Variants in AK2 observed in about 807,000 individuals in gnomAD.
AK2 encodes the protein adenylate kinase 2, mitochondrial.
Under a neutral mutation model 24.6 loss-of-function variants are expected in AK2, and 15 were observed. The ratio of observed to expected loss-of-function variants is 0.61; its 90% confidence interval spans 0.41 to 0.94. The LOEUF (loss-of-function observed/expected upper bound fraction) is 0.94, where lower values mean the gene tolerates loss of function less well. Among genes scored for constraint, AK2 ranks in the 40% least tolerant of loss-of-function variants. The pLI is 0.00. For synonymous variants in AK2, 102 were observed against 114.0 expected, an observed-to-expected ratio of 0.90 and a Z score of 0.67; for missense variants, 257 against 304.1, an observed-to-expected ratio of 0.85 and a Z score of 1.15.
rs11799675 is a variant in AK2 at position 33,019,536 on chromosome 1, C to T, written c.425+1831G>A. 3.8e-3 allele frequency: 3,273 copies of T among 858,770 alleles called. 91 individuals carry two copies. The African/African-American group carries it at 0.057, about 15-fold the overall frequency. 53.2% of individuals were successfully genotyped at this position (858,770 alleles called of 1,614,324 possible). ...GCATTAAAGGAGCCTATGGAATAGC[C>T]GGAGACATGTAACCTGGACATTTGA... On this transcript the variant is annotated intron_variant, in intron 4 of 5. Coordinates refer to ENST00000672715, the MANE Select transcript of AK2 (RefSeq NM_001625.4).
chr1:33,011,935 T>C lies in AK2; in HGVS notation c.*1246A>G. 3.9e-6 allele frequency: 6 copies of C among 1,533,912 alleles called. No individual in the cohort carries two copies. Among genetic ancestry groups the C allele is most frequent in the Non-Finnish European group, 2.6e-6 (3 of 1,146,316 alleles). On this transcript the variant is annotated 3_prime_UTR_variant, in exon 6 of 6. Coordinates refer to ENST00000672715, the MANE Select transcript of AK2 (RefSeq NM_001625.4). ...GGTTTGGGCTTAAAAAGAACATATCTGATTTCAGTTTTATGTCCTGGAGAG... is the reference window on the plus strand; with the variant it reads ...GGTTTGGGCTTAAAAAGAACATATCCGATTTCAGTTTTATGTCCTGGAGAG...
At position 33,012,640 on chromosome 1, in the gene AK2, T is replaced by C. The variant is rs776057721; in HGVS notation, c.*541A>G. 2.4e-5 allele frequency: 31 copies of C among 1,288,168 alleles called. No individual in the cohort carries two copies. The highest frequency in any genetic ancestry group is 4.0e-6 in the Non-Finnish European group (4 of 989,354). 79.8% of individuals were successfully genotyped at this position (1,288,168 alleles called of 1,614,324 possible). On this transcript the variant is annotated 3_prime_UTR_variant, in exon 6 of 6. Coordinates refer to ENST00000672715, the MANE Select transcript of AK2 (RefSeq NM_001625.4). Reference sequence around the variant, plus strand: ...GGCTGGGTGTAGTGGCTCACGTCTGTGATCCTGGCACTTCAGGAGGCCAAG... The same window carrying C: ...GGCTGGGTGTAGTGGCTCACGTCTGCGATCCTGGCACTTCAGGAGGCCAAG...
At chr1:33,017,455 G>A (rs1047747738) in intron 4 of AK2, among the ~76,000 whole-genome samples, 1 of 152,206 alleles carries the variant, frequency 6.6e-6, no homozygotes, top group Admixed American at 6.5e-5. Flanking sequence ...GGAGGGGCTA[G>A]GGGCATGAGA....
intron 5 of AK2, 178 bp downstream of exon 5, chr1:33,014,344 G>A (rs1284640974): frequency 5.2e-6 from 3 of 576,768 alleles, no homozygotes; most frequent in African/African-American, 3.8e-5. Context: ...AACCACCTGA[G>A]GAGACACTGA....
chr1:33,008,520 T>C lies in AK2; in HGVS notation c.*4661A>G, dbSNP rs1266668238. The C allele has an allele frequency of 2.2e-6, 1 of 454,020 alleles. No homozygotes were observed. The highest frequency in any genetic ancestry group is 4.4e-6 in the Non-Finnish European group (1 of 226,804). The allele number at this position is 454,020 out of a possible 1,614,324, so 28.1% of individuals were successfully genotyped here. A position where few individuals can be genotyped will look rare whatever the true frequency, so the allele number is the denominator to read the frequency against. ...GCTGAGTGTCCATGGAAAAGAGCTC[T>C]TATTCAGAGCAGCCCTTCCTGTGTG... is the stretch of plus-strand genomic sequence containing the variant. On this transcript the variant is annotated 3_prime_UTR_variant, in exon 6 of 6. Coordinates refer to ENST00000672715, the MANE Select transcript of AK2 (RefSeq NM_001625.4).
At chr1:33,025,765 G>A (rs944401618) in intron 1 of AK2, among the ~76,000 whole-genome samples, 1 of 152,140 alleles carries the variant, frequency 6.6e-6, no homozygotes, top group Non-Finnish European at 1.5e-5. Flanking sequence ...TGTATCACTG[G>A]GTTGATGAGA....
chr1:33,027,506 C>T (rs572022363), intron 1 of AK2, among the ~76,000 whole-genome samples: 4 of 152,292 alleles, frequency 2.6e-5, no homozygotes, highest in South Asian at 2.1e-4. Context: ...CTTTGGGAGG[C>T]TAAGGCGGGT....
At chr1:33,030,203 A>G (rs1025698107) in intron 1 of AK2, among the ~76,000 whole-genome samples, 2 of 152,208 alleles carry the variant, frequency 1.3e-5, no homozygotes, top group African/African-American at 4.8e-5. Flanking sequence ...ACTCCACAGG[A>G]ATGCCCTCTC....
In AK2 at chr1:33,020,306, A is replaced by G. The variant is rs139382193; in HGVS notation, c.425+1061T>C. The stretch of plus-strand genomic sequence containing the variant: ...GATGGTTATATTATTTTTACAATAA[A>G]AAGTCTACAGCAAAGTATGGCAACT... On this transcript the variant is annotated intron_variant, in intron 4 of 5. Coordinates refer to ENST00000672715, the MANE Select transcript of AK2 (RefSeq NM_001625.4). 7.4e-4 allele frequency: 518 copies of G among 703,060 alleles called. 2 individuals are homozygous for G. The highest frequency in any genetic ancestry group is 7.2e-3 in the African/African-American group (401 of 55,456). The allele number at this position is 703,060 out of a possible 1,614,324, so 43.6% of individuals were successfully genotyped here.
chr1:33,019,138 T>G (rs1396153229), intron 4 of AK2, among the ~76,000 whole-genome samples: 1 of 152,224 alleles, frequency 6.6e-6, no homozygotes, highest in Non-Finnish European at 1.5e-5. Flanking sequence ...AGTTTAATGT[T>G]ATCTCTATCC....
At chr1:33,022,350 A>G (rs1046419002) in intron 2 of AK2, among the ~76,000 whole-genome samples, 5 of 127,402 alleles carry the variant, frequency 3.9e-5, no homozygotes, top group African/African-American at 1.5e-4. Context: ...CTCTTCCCTC[A>G]CTTTTTTTTT....
At chr1:33,031,012 A>G (rs1017520240) in intron 1 of AK2, 1 of 152,196 alleles carries the variant, frequency 6.6e-6, no homozygotes, top group Non-Finnish European at 1.5e-5. Context: ...TTATAGCTTA[A>G]GTTGTTTTTT....
chr1:33,014,677 G>A lies in AK2; in HGVS notation c.426-83C>T. ...ACTCTAGGGGGCTCCAGAATGACAAGCAGAGATAGGGACGCTGGATGCAAG... is the reference window on the plus strand; with the variant it reads ...ACTCTAGGGGGCTCCAGAATGACAAACAGAGATAGGGACGCTGGATGCAAG... On this transcript the variant is annotated intron_variant, in intron 4 of 5. Coordinates refer to ENST00000672715, the MANE Select transcript of AK2 (RefSeq NM_001625.4). 4 of 1,198,114 alleles carry A rather than the reference G, an allele frequency of 3.3e-6. No homozygotes were observed. The South Asian group carries it at 3.6e-5, about 11-fold the overall frequency. 74.2% of individuals were successfully genotyped at this position (1,198,114 alleles called of 1,614,324 possible).
chr1:33,011,853 T>A lies in AK2; in HGVS notation c.*1328A>T. ...TCTGGGTGATCTTTTCTTGGGGAAGTCCATGGCTATAGCCATCATAAAATT... is the reference window on the plus strand; with the variant it reads ...TCTGGGTGATCTTTTCTTGGGGAAGACCATGGCTATAGCCATCATAAAATT... On this transcript the variant is annotated 3_prime_UTR_variant, in exon 6 of 6. Coordinates refer to ENST00000672715, the MANE Select transcript of AK2 (RefSeq NM_001625.4). 2 of 1,522,778 alleles carry A rather than the reference T, an allele frequency of 1.3e-6. No homozygotes were observed. Among genetic ancestry groups the A allele is most frequent in the Non-Finnish European group, 1.8e-6 (2 of 1,140,238 alleles). 94.3% of individuals were successfully genotyped at this position (1,522,778 alleles called of 1,614,324 possible). A position where few individuals can be genotyped will look rare whatever the true frequency, so the allele number is the denominator to read the frequency against.
At chr1:33,014,684 T>G (rs1420416946) in intron 4 of AK2, 90 bp from the exon 5 acceptor site, 6 of 1,144,292 alleles carry the variant, frequency 5.2e-6, no homozygotes, top group Non-Finnish European at 7.8e-6. Context: ...CAAGCAGAGA[T>G]AGGGACGCTG....
intron 4 of AK2, among the ~76,000 whole-genome samples, chr1:33,016,477 CT>C (rs1433094757): frequency 6.6e-6 from 1 of 151,888 alleles, no homozygotes; most frequent in Admixed American, 6.6e-5. Context: ...TTCCGAAGTG[CT>C]GGGATTACAG....
At position 33,008,746 on chromosome 1, in the gene AK2, T is replaced by A. The variant is rs751813636; in HGVS notation, c.*4435A>T. Reference sequence around the variant, plus strand: ...GGTGCTGTGTGAGGGTTACGTGAAGTCGAGGGTTACATGAAGCCTTTGCAT... The same window carrying A: ...GGTGCTGTGTGAGGGTTACGTGAAGACGAGGGTTACATGAAGCCTTTGCAT... On this transcript the variant is annotated 3_prime_UTR_variant, in exon 6 of 6. Coordinates refer to ENST00000672715, the MANE Select transcript of AK2 (RefSeq NM_001625.4). 1 of 453,956 alleles carries A rather than the reference T, an allele frequency of 2.2e-6. No homozygotes were observed. Among genetic ancestry groups the A allele is most frequent in the African/African-American group, 2.0e-5 (1 of 49,978 alleles). The allele number at this position is 453,956 out of a possible 1,614,324, so 28.1% of individuals were successfully genotyped here. A position where few individuals can be genotyped will look rare whatever the true frequency, so the allele number is the denominator to read the frequency against.
At chr1:33,026,563 C>G (rs1639897436) in intron 1 of AK2, among the ~76,000 whole-genome samples, 1 of 152,186 alleles carries the variant, frequency 6.6e-6, no homozygotes, top group Non-Finnish European at 1.5e-5. Context: ...AATCCCAGCA[C>G]TTTGGGAGGC....
In AK2 at chr1:33,010,973, C is replaced by T. The variant is rs1638786809; in HGVS notation, c.*2208G>A. On this transcript the variant is annotated 3_prime_UTR_variant, in exon 6 of 6. Transcript: ENST00000672715. The stretch of plus-strand genomic sequence containing the variant: ...CTGTGACAGGTAAAAGCAGAACCTG[C>T]TGAGGCTGAGGAACTCTGGAATTAA... 1 of 1,544,306 alleles carries T rather than the reference C, an allele frequency of 6.5e-7. No homozygotes were observed. The highest frequency in any genetic ancestry group is 1.4e-5 in the African/African-American group (1 of 72,980).
Sources: allele counts gnomAD v4.1 joint callset (sites outside exome capture counted in the v4.1 genomes callset), GRCh38; gene constraint gnomAD v4.1.1; transcripts MANE v1.5; gene names NCBI Gene and HGNC (gene_info 2026-07-23, HGNC 2026-07-21).